BIN1: variants seen among roughly 807,000 people sequenced by gnomAD.
BIN1 encodes myc box-dependent-interacting protein 1.
Under a neutral mutation model 82.0 loss-of-function variants are expected in BIN1, and 53 were observed. The ratio of observed to expected loss-of-function variants is 0.65; its 90% confidence interval spans 0.52 to 0.81. BIN1 has a LOEUF of 0.81. Ranked by LOEUF, BIN1 falls within the 40% of genes least tolerant of loss-of-function variation. BIN1 has a pLI of 0.00. For missense variants in BIN1, 642 were observed against 784.4 expected (o/e 0.82, Z 2.17); for synonymous variants, 302 against 328.0 (o/e 0.92, Z 0.86).
chr2:127,068,883 G>A lies in BIN1; in HGVS notation c.519+41C>T. ...GGTCCTAGACACCCGCCCTCTCTCAGCCCCCTGCAGACGCTGCCCCGACCC... is the reference window on the plus strand; with the variant it reads ...GGTCCTAGACACCCGCCCTCTCTCAACCCCCTGCAGACGCTGCCCCGACCC... On this transcript the variant is annotated intron_variant, in intron 6 of 18. Transcript: ENST00000316724. The surrounding 1 kb of genome is among the most constrained non-coding windows in gnomAD (Gnocchi z 4.9). 2.5e-6 allele frequency: 4 copies of A among 1,571,084 alleles called. No individual in the cohort carries two copies. Among genetic ancestry groups the A allele is most frequent in the Non-Finnish European group, 3.5e-6 (4 of 1,141,560 alleles).
At chr2:127,080,366 C>T (rs937360108) in intron 1 of BIN1, among the ~76,000 whole-genome samples, 3 of 152,222 alleles carry the variant, frequency 2.0e-5, no homozygotes, top group Non-Finnish European at 2.9e-5. Context: ...GCTGGCCCAG[C>T]AGCGACTAAG....
At chr2:127,070,431 G>T in intron 4 of BIN1, 122 bp downstream of exon 4, 1 of 1,221,950 alleles carries the variant, frequency 8.2e-7, no homozygotes, top group Non-Finnish European at 1.2e-6. Context: ...TTGCCCCAGG[G>T]CACACAGCAC....
intron 18 of BIN1, 94 bp from the exon 19 acceptor site, chr2:127,048,727 C>T: frequency 8.3e-7 from 1 of 1,202,584 alleles, no homozygotes; most frequent in South Asian, 1.2e-5. Flanking sequence ...AAGACGGCCC[C>T]TCCTCCTGCT....
chr2:127,099,408 C>T (rs1303084150), intron 1 of BIN1, among the ~76,000 whole-genome samples: 4 of 152,026 alleles, frequency 2.6e-5, no homozygotes, highest in Admixed American at 2.6e-4. Context: ...GGTTCTTTCC[C>T]CCCCAGGAAC....
At chr2:127,053,231 A>T (rs1260327414) in intron 14 of BIN1, 191 bp downstream of exon 14, 1 of 770,466 alleles carries the variant, frequency 1.3e-6, no homozygotes, top group Non-Finnish European at 2.2e-6. Flanking sequence ...TGCCAGAGGG[A>T]GAAGCAGCAG....
At chr2:127,058,953 C>A (rs1460490906) in intron 11 of BIN1, 58 bp downstream of exon 11, 1 of 1,547,266 alleles carries the variant, frequency 6.5e-7, no homozygotes. Flanking sequence ...AGGACAACAG[C>A]AAAGCCGGAG....
At chr2:127,051,124 A>T (rs1161747055) in intron 16 of BIN1, 30 bp downstream of exon 16, 4 of 1,611,776 alleles carry the variant, frequency 2.5e-6, no homozygotes, top group Non-Finnish European at 3.4e-6. Flanking sequence ...GCAGGGAGGA[A>T]AAGGCAGGGC....
At chr2:127,054,368 C>T in intron 12 of BIN1, 1 of 347,794 alleles carries the variant, frequency 2.9e-6, no homozygotes, top group Non-Finnish European at 5.5e-6. Context: ...CATCCACAGA[C>T]TGGTGGGCCC....
At chr2:127,070,934 G>A (rs931593530) in intron 2 of BIN1, 118 bp from the exon 3 acceptor site, 3 of 1,031,430 alleles carry the variant, frequency 2.9e-6, no homozygotes, top group African/African-American at 3.2e-5. Context: ...AGCAGCCACT[G>A]ATCAGCTGAC....
chr2:127,087,136 G>A (rs1321225255), intron 1 of BIN1, among the ~76,000 whole-genome samples: 8 of 152,178 alleles, frequency 5.3e-5, no homozygotes, highest in Non-Finnish European at 8.8e-5. Flanking sequence ...GACCAACTAC[G>A]TCAGCCCCAC....
At chr2:127,062,857 G>C (rs1189751508) in intron 9 of BIN1, among the ~76,000 whole-genome samples, 1 of 152,238 alleles carries the variant, frequency 6.6e-6, no homozygotes, top group Non-Finnish European at 1.5e-5. Flanking sequence ...GAAGGAAAGA[G>C]AAAGTCTAAA....
intron 2 of BIN1, among the ~76,000 whole-genome samples, chr2:127,075,913 C>T (rs1686545221): frequency 7.0e-6 from 1 of 142,886 alleles, no homozygotes; most frequent in South Asian, 2.3e-4. Flanking sequence ...CCCCAACCGC[C>T]CTCTCCCAGA....
intron 1 of BIN1, among the ~76,000 whole-genome samples, chr2:127,088,438 C>T (rs1678467147): frequency 6.6e-6 from 1 of 152,080 alleles, no homozygotes; most frequent in South Asian, 2.1e-4. Context: ...AGCCTCCGAA[C>T]AAAAATGCAG....
chr2:127,084,926 T>G (rs1392882813), intron 1 of BIN1, among the ~76,000 whole-genome samples: 1 of 152,158 alleles, frequency 6.6e-6, no homozygotes, highest in African/African-American at 2.4e-5. Flanking sequence ...CTCTTCCTCC[T>G]CAGAACCCAG....
In BIN1 at chr2:127,106,850, G is replaced by A. The variant is rs367734764; in HGVS notation, c.84+10C>T. On this transcript the variant is annotated intron_variant, in intron 1 of 18. Transcript: ENST00000316724. ...GGACTCCGCGGCTGCTGGGGCTCCG[G>A]CTCGCTCACCTTCTCCTGCGCGCGG... 2.5e-6 allele frequency: 4 copies of A among 1,596,678 alleles called. No individual in the cohort carries two copies. Among genetic ancestry groups the A allele is most frequent in the Non-Finnish European group, 3.4e-6 (4 of 1,173,688 alleles).
chr2:127,098,599 C>A (rs1253219607), intron 1 of BIN1, among the ~76,000 whole-genome samples: 1 of 152,160 alleles, frequency 6.6e-6, no homozygotes, highest in Non-Finnish European at 1.5e-5. Context: ...CCCACCCCAC[C>A]TGCTGTCGCA....
At chr2:127,072,683 C>T (rs1686049562) in intron 2 of BIN1, among the ~76,000 whole-genome samples, 1 of 152,040 alleles carries the variant, frequency 6.6e-6, no homozygotes, top group African/African-American at 2.4e-5. Context: ...ATAACACTGG[C>T]TAATCATCAT....
At chr2:127,103,710 C>T (rs1680644829) in intron 1 of BIN1, among the ~76,000 whole-genome samples, 1 of 152,238 alleles carries the variant, frequency 6.6e-6, no homozygotes, top group African/African-American at 2.4e-5. Context: ...GGCGCCCCAT[C>T]CCGCGAGGGG....
At chr2:127,087,345 G>A (rs1678310599) in intron 1 of BIN1, among the ~76,000 whole-genome samples, 1 of 152,216 alleles carries the variant, frequency 6.6e-6, no homozygotes, top group Non-Finnish European at 1.5e-5. Context: ...CAGAGAACGA[G>A]TGTCCAGTTG....
Sources: allele counts gnomAD v4.1 joint callset (sites outside exome capture counted in the v4.1 genomes callset), GRCh38; gene constraint gnomAD v4.1.1; non-coding constraint Gnocchi (gnomAD v3.1); transcripts MANE v1.5; gene names NCBI Gene and HGNC (gene_info 2026-07-23, HGNC 2026-07-21).